The following PTGFR variants were observed in gnomAD, a reference collection of about 807,000 sequenced individuals.
The protein encoded by PTGFR is prostaglandin F2-alpha receptor.
A neutral mutation model predicts 26.2 loss-of-function variants in PTGFR; 15 were observed. That is an observed-to-expected ratio of 0.57 (90% CI 0.38 to 0.88). PTGFR has a LOEUF of 0.88. PTGFR is among the 40% of genes least tolerant of loss of function. PTGFR has a pLI of 0.00. For missense variants in PTGFR, 369 were observed against 427.2 expected, an observed-to-expected ratio of 0.86 and a Z score of 1.20; for synonymous variants, 165 against 151.1, an observed-to-expected ratio of 1.09 and a Z score of -0.68.
intron 2 of PTGFR, among the ~76,000 whole-genome samples, chr1:78,497,642 A>G (rs1212270984): frequency 2.0e-5 from 3 of 152,224 alleles, no homozygotes; most frequent in Admixed American, 1.3e-4. Flanking sequence ...TGGCAGAACA[A>G]TAAATACTTG....
chr1:78,500,232 C>A (rs555938015), intron 2 of PTGFR, among the ~76,000 whole-genome samples: 1 of 152,230 alleles, frequency 6.6e-6, no homozygotes, highest in East Asian at 1.9e-4. Flanking sequence ...TCTTTACCAG[C>A]TGATTAAATG....
At chr1:78,510,116 C>T (rs1313031096) in intron 2 of PTGFR, among the ~76,000 whole-genome samples, 2 of 152,188 alleles carry the variant, frequency 1.3e-5, no homozygotes, top group Admixed American at 1.3e-4. Flanking sequence ...ATGTCCTGTG[C>T]ATTCAGGTAC....
At chr1:78,534,022 A>G (rs1396773951) in intron 2 of PTGFR, among the ~76,000 whole-genome samples, 1 of 152,094 alleles carries the variant, frequency 6.6e-6, no homozygotes, top group East Asian at 1.9e-4. Context: ...CAGGTGAATT[A>G]ATTTTTTCAT....
chr1:78,528,757 G>C (rs1650435975), intron 2 of PTGFR, among the ~76,000 whole-genome samples: 1 of 152,014 alleles, frequency 6.6e-6, no homozygotes, highest in South Asian at 2.1e-4. Flanking sequence ...TAAAGAGATA[G>C]GTCCCAAAAC....
chr1:78,523,846 GT>G (rs1313106103), intron 2 of PTGFR, among the ~76,000 whole-genome samples: 1 of 152,024 alleles, frequency 6.6e-6, no homozygotes, highest in African/African-American at 2.4e-5. Flanking sequence ...GACTCAAAGG[GT>G]TTTTCACATA....
chr1:78,521,415 G>T (rs1328084469), intron 2 of PTGFR, among the ~76,000 whole-genome samples: 1 of 151,998 alleles, frequency 6.6e-6, no homozygotes, highest in Non-Finnish European at 1.5e-5. Context: ...CGATAACAGT[G>T]TTCTAAATAT....
chr1:78,491,265 T>G (rs1288377284), intron 1 of PTGFR, 29 bp downstream of exon 1: 1 of 152,320 alleles, frequency 6.6e-6, no homozygotes, highest in Non-Finnish European at 1.5e-5. Context: ...CTGATCCCAA[T>G]GCATCGGCTT....
At chr1:78,508,023 G>A (rs1220583484) in intron 2 of PTGFR, among the ~76,000 whole-genome samples, 1 of 151,926 alleles carries the variant, frequency 6.6e-6, no homozygotes, top group Non-Finnish European at 1.5e-5. Context: ...GTTACTTATG[G>A]GATTATCTTT....
At chr1:78,528,294 C>CAAAA (rs35137595) in intron 2 of PTGFR, among the ~76,000 whole-genome samples, 2 of 20,104 alleles carry the variant, frequency 9.9e-5, no homozygotes, top group Admixed American at 7.9e-4. Flanking sequence ...AGAAAGTTAG[C>CAAAA]AAAAAAAAAA....
intron 2 of PTGFR, among the ~76,000 whole-genome samples, chr1:78,497,481 A>G (rs1649581891): frequency 6.6e-6 from 1 of 152,196 alleles, no homozygotes; most frequent in South Asian, 2.1e-4. Flanking sequence ...GAAGGAGAAA[A>G]AAGAGATTCA....
chr1:78,531,788 C>T (rs1363351426), intron 2 of PTGFR, among the ~76,000 whole-genome samples: 1 of 152,090 alleles, frequency 6.6e-6, no homozygotes, highest in African/African-American at 2.4e-5. Flanking sequence ...GTAGGAGTCT[C>T]TTCCTAATGA....
At chr1:78,502,318 T>C (rs1570273861) in intron 2 of PTGFR, among the ~76,000 whole-genome samples, 2 of 152,192 alleles carry the variant, frequency 1.3e-5, no homozygotes, top group East Asian at 3.8e-4. Flanking sequence ...AGCAATATAG[T>C]GTAGTGTTTA....
intron 2 of PTGFR, among the ~76,000 whole-genome samples, chr1:78,535,934 G>A (rs1650639364): frequency 1.3e-5 from 2 of 152,134 alleles, no homozygotes; most frequent in African/African-American, 4.8e-5. Flanking sequence ...TTGTAGTTAA[G>A]AAGCAGAAAA....
intron 2 of PTGFR, among the ~76,000 whole-genome samples, chr1:78,505,558 T>G (rs1370321635): frequency 6.6e-6 from 1 of 152,226 alleles, no homozygotes; most frequent in Non-Finnish European, 1.5e-5. Context: ...AATATAACAT[T>G]TACCATTTTA....
At chr1:78,518,073 C>A (rs558967774) in intron 2 of PTGFR, among the ~76,000 whole-genome samples, 1 of 152,152 alleles carries the variant, frequency 6.6e-6, no homozygotes, top group African/African-American at 2.4e-5. Context: ...CACATGTACA[C>A]CTATGTAACA....
At chr1:78,517,478 A>G (rs1407092171) in intron 2 of PTGFR, among the ~76,000 whole-genome samples, 2 of 152,196 alleles carry the variant, frequency 1.3e-5, no homozygotes, top group Admixed American at 1.3e-4. Context: ...TAGATTAGAT[A>G]TTCAAGGACA....
rs549456877 is a variant in PTGFR at position 78,539,091 on chromosome 1, G to T, written c.*2404G>T. ...ATAATGCTGATTCACAATTAGCTAT[G>T]GGTAAGTCCAAAACATCAGACCTTT... On this transcript the variant is annotated 3_prime_UTR_variant, in exon 3 of 3. Coordinates refer to ENST00000370757, the MANE Select transcript of PTGFR (RefSeq NM_000959.4). 365 of 151,436 alleles carry T rather than the reference G, an allele frequency of 2.4e-3. 1 individual carries two copies. The highest frequency in any genetic ancestry group is 8.5e-3 in the African/African-American group (353 of 41,414). 9.4% of individuals were successfully genotyped at this position (151,436 alleles called of 1,614,324 possible).
rs185694953 is a variant in PTGFR, at chr1:78,540,590, T to A, written c.*3903T>A. 1.2e-4 allele frequency among the ~76,000 whole-genome samples: 18 copies of A among 152,242 alleles called. No homozygotes were observed. Among genetic ancestry groups the A allele is most frequent in the African/African-American group, 4.3e-4 (18 of 41,554 alleles). On this transcript the variant is annotated 3_prime_UTR_variant, in exon 3 of 3. Coordinates refer to ENST00000370757, the MANE Select transcript of PTGFR (RefSeq NM_000959.4). ...GGACTATATAATAGAAAGAGGGAAA[T>A]CTTGGTTCTTAAAAATTCAGGCAAT...
intron 2 of PTGFR, among the ~76,000 whole-genome samples, chr1:78,519,268 A>G (rs1238460053): frequency 2.0e-5 from 3 of 152,086 alleles, no homozygotes; most frequent in Non-Finnish European, 4.4e-5. Flanking sequence ...GTGTGCAGAA[A>G]TTTCTCACTA....
Sources: allele counts gnomAD v4.1 joint callset (sites outside exome capture counted in the v4.1 genomes callset), GRCh38; gene constraint gnomAD v4.1.1; transcripts MANE v1.5; gene names NCBI Gene and HGNC (gene_info 2026-07-23, HGNC 2026-07-21).